CAMTA1: variants seen among roughly 807,000 people sequenced by gnomAD.
CAMTA1 encodes calmodulin-binding transcription activator 1.
Under a neutral mutation model 170.9 loss-of-function variants are expected in CAMTA1, and 27 were observed. The ratio of observed to expected loss-of-function variants is 0.16; its 90% confidence interval spans 0.12 to 0.22. CAMTA1 has a LOEUF of 0.22. CAMTA1 is among the 10% of genes least tolerant of loss of function. The pLI, the probability that CAMTA1 is intolerant of heterozygous loss-of-function variation, is 1.00. For synonymous variants in CAMTA1, 833 were observed against 891.5 expected (o/e 0.93, Z 1.17); for missense variants, 1,619 against 2,217.2 (o/e 0.73, Z 5.42).
At chr1:7,563,491 T>C (rs951329613) in intron 6 of CAMTA1, among the ~76,000 whole-genome samples, 1 of 152,198 alleles carries the variant, frequency 6.6e-6, no homozygotes, top group African/African-American at 2.4e-5. Flanking sequence ...GAGCCTGCTG[T>C]CCAGGCCCAA....
At chr1:6,975,442 T>A (rs1693250055) in intron 3 of CAMTA1, among the ~76,000 whole-genome samples, 1 of 152,194 alleles carries the variant, frequency 6.6e-6, no homozygotes, top group Non-Finnish European at 1.5e-5. Context: ...GTGCGCTGTT[T>A]GCTGTGGAAT....
chr1:7,174,724 G>A (rs1650403440), intron 4 of CAMTA1, among the ~76,000 whole-genome samples: 1 of 152,226 alleles, frequency 6.6e-6, no homozygotes, highest in African/African-American at 2.4e-5. Context: ...CAGGAGGCAG[G>A]TGGCCCTGGG....
chr1:6,975,504 C>T (rs894298461), intron 3 of CAMTA1, among the ~76,000 whole-genome samples: 7 of 152,016 alleles, frequency 4.6e-5, no homozygotes, highest in Non-Finnish European at 8.8e-5. Context: ...ACGAATGCTA[C>T]GAGAGTCTGG....
intron 4 of CAMTA1, among the ~76,000 whole-genome samples, chr1:7,162,433 C>A (rs1398842515): frequency 6.6e-6 from 1 of 152,132 alleles, no homozygotes; most frequent in Non-Finnish European, 1.5e-5. Context: ...AAAGGAAACC[C>A]TGTACCCATC....
At chr1:6,958,366 C>T (rs562408994) in intron 3 of CAMTA1, among the ~76,000 whole-genome samples, 3 of 152,356 alleles carry the variant, frequency 2.0e-5, no homozygotes, top group Admixed American at 6.5e-5. Flanking sequence ...GATTGCAGAG[C>T]GTCTCATCCG....
At chr1:7,398,236 T>G (rs1278617956) in intron 5 of CAMTA1, among the ~76,000 whole-genome samples, 1 of 114,912 alleles carries the variant, frequency 8.7e-6, no homozygotes, top group African/African-American at 3.2e-5. Context: ...TATATATATA[T>G]ATTTGCTTAA....
At chr1:7,468,848 G>A (rs981174224) in intron 6 of CAMTA1, among the ~76,000 whole-genome samples, 1 of 152,164 alleles carries the variant, frequency 6.6e-6, no homozygotes, top group Admixed American at 6.5e-5. Flanking sequence ...GGAGGGGCCT[G>A]GCAGCTGGGG....
intron 11 of CAMTA1, chr1:7,698,831 C>G (rs1218077598): frequency 1.3e-5 from 2 of 152,220 alleles, no homozygotes; most frequent in Admixed American, 6.5e-5. Context: ...CATCTTCTGC[C>G]CTGGGCATCA....
At chr1:7,077,856 C>A (rs1482779042) in intron 3 of CAMTA1, among the ~76,000 whole-genome samples, 3 of 152,066 alleles carry the variant, frequency 2.0e-5, no homozygotes, top group Non-Finnish European at 4.4e-5. Context: ...ACCATGAAAG[C>A]CTTTTCTGAC....
At position 6,902,084 on chromosome 1, in the gene CAMTA1, T is replaced by TAAAA. The variant is rs143405526; in HGVS notation, c.234+76876_234+76879dup. ...ACACACACACACACAAAAAAAAAAATAAAAATAAAAACTCGTACTGGCTTT... is the reference window on the plus strand; with the variant it reads ...ACACACACACACACAAAAAAAAAAATAAAAAAAAATAAAAACTCGTACTGGCTTT... On this transcript the variant is annotated intron_variant, in intron 3 of 22. Transcript: ENST00000303635. Among the ~76,000 whole-genome samples the TAAAA allele has an allele frequency of 1.1e-4, 12 of 105,056 alleles. 1 individual carries two copies. Among genetic ancestry groups the TAAAA allele is most frequent in the African/African-American group, 4.1e-4 (10 of 24,332 alleles). 68.9% of individuals were successfully genotyped at this position (105,056 alleles called of 152,430 possible).
intron 11 of CAMTA1, among the ~76,000 whole-genome samples, chr1:7,686,470 G>A (rs920007689): frequency 7.9e-5 from 12 of 151,346 alleles, no homozygotes; most frequent in South Asian, 2.1e-4. Context: ...AGCCTGGCGC[G>A]TTGGGGGAGC....
chr1:6,956,239 A>T (rs1415821321), intron 3 of CAMTA1, among the ~76,000 whole-genome samples: 1 of 152,128 alleles, frequency 6.6e-6, no homozygotes, highest in Non-Finnish European at 1.5e-5. Context: ...AGTTTCTAGT[A>T]GGAATTTGGG....
Position 7,536,879 on chromosome 1 carries a change from C to T in CAMTA1, c.510+68978C>T, listed in dbSNP as rs2094555489. Among the ~76,000 whole-genome samples the T allele has an allele frequency of 2.0e-5, 3 of 152,182 alleles. No individual in the cohort carries two copies. The South Asian group carries it at 6.2e-4, about 32-fold the overall frequency. On this transcript the variant is annotated intron_variant, in intron 6 of 22. Transcript: ENST00000303635. ...CCCAGCTGGCCAAGGTCTCACTGAC[C>T]CCAGGCATCAACTCTGGTGGCTCCT...
At chr1:7,493,196 C>G (rs1160090472) in intron 6 of CAMTA1, among the ~76,000 whole-genome samples, 1 of 150,034 alleles carries the variant, frequency 6.7e-6, no homozygotes, top group East Asian at 1.9e-4. Context: ...CACGCACACA[C>G]ACAAACACAA....
At chr1:7,122,158 A>G (rs753198437) in intron 4 of CAMTA1, among the ~76,000 whole-genome samples, 18 of 151,892 alleles carry the variant, frequency 1.2e-4, no homozygotes, top group Non-Finnish European at 2.1e-4. Flanking sequence ...CCCTGTCCCT[A>G]AACAGGACTT....
intron 4 of CAMTA1, among the ~76,000 whole-genome samples, chr1:7,122,974 C>T (rs575353794): frequency 1.3e-5 from 2 of 152,278 alleles, no homozygotes; most frequent in Non-Finnish European, 2.9e-5. Context: ...ACATTCCTGT[C>T]GAAGCCCTGG....
chr1:6,891,669 A>G (rs1674515844), intron 3 of CAMTA1, among the ~76,000 whole-genome samples: 1 of 152,220 alleles, frequency 6.6e-6, no homozygotes, highest in Non-Finnish European at 1.5e-5. Flanking sequence ...GCATCTTCAA[A>G]AAACAAAACA....
chr1:6,881,853 G>T (rs373533358), intron 3 of CAMTA1, among the ~76,000 whole-genome samples: 26 of 152,314 alleles, frequency 1.7e-4, no homozygotes, highest in African/African-American at 6.3e-4. Context: ...TGTAATCTCA[G>T]CTATACGGGA....
At chr1:7,207,655 G>A (rs1657995804) in intron 4 of CAMTA1, among the ~76,000 whole-genome samples, 1 of 152,150 alleles carries the variant, frequency 6.6e-6, no homozygotes, top group Admixed American at 6.5e-5. Context: ...GGCTGGTCCA[G>A]TTGTGGCCTT....
Sources: gnomAD v4.1 joint callset for allele counts (sites outside exome capture counted in the v4.1 genomes callset) on GRCh38, gnomAD v4.1.1 for gene constraint, MANE v1.5 for transcripts, NCBI Gene and HGNC (gene_info 2026-07-23, HGNC 2026-07-21) for gene names.